Variants in EHD2 observed in about 807,000 individuals in gnomAD.
EHD2 encodes the protein EH domain-containing protein 2.
In EHD2, 27 loss-of-function variants were observed where a neutral mutation model predicts 41.0. The ratio of observed to expected loss-of-function variants is 0.66; its 90% confidence interval spans 0.49 to 0.91. EHD2 has a LOEUF of 0.91. EHD2 is among the 40% of genes least tolerant of loss of function. The probability of loss-of-function intolerance (pLI) is 0.00; values close to 1 mark genes in which losing one functional copy is unlikely to be tolerated. For missense variants in EHD2, 673 were observed against 773.9 expected (o/e 0.87, Z 1.55); for synonymous variants, 342 against 341.0 (o/e 1.00, Z -0.03).
At chr19:47,717,955 C>A (rs1266546416) in intron 2 of EHD2, among the ~76,000 whole-genome samples, 2 of 148,602 alleles carry the variant, frequency 1.3e-5, no homozygotes, top group Non-Finnish European at 3.0e-5. Flanking sequence ...GGTCTCTATG[C>A]CATGGTTGCT....
In EHD2 at chr19:47,717,032, G is replaced by T; in HGVS notation, c.404+16G>T. ...TCCTCAACAGGTGTGCCAGCCGCGAGCCCAGGGCGCATCTTTCTTTTTCTT... is the reference window on the plus strand; with the variant it reads ...TCCTCAACAGGTGTGCCAGCCGCGATCCCAGGGCGCATCTTTCTTTTTCTT... On this transcript the variant is annotated intron_variant, in intron 2 of 5. Transcript: ENST00000263277. 1 of 1,598,772 alleles carries T rather than the reference G, an allele frequency of 6.3e-7. No individual in the cohort carries two copies. Among genetic ancestry groups the T allele is most frequent in the Non-Finnish European group, 8.5e-7 (1 of 1,179,860 alleles).
intron 2 of EHD2, 27 bp from the exon 3 acceptor site, chr19:47,718,482 G>A: frequency 1.3e-6 from 2 of 1,548,772 alleles, no homozygotes; most frequent in Non-Finnish European, 1.8e-6. Context: ...CTTCCCTGTT[G>A]ACCCCTGACC....
Position 47,716,840 on chromosome 19 carries a change from G to A in EHD2, c.228G>A (p.Gln76=). The A allele has an allele frequency of 1.9e-6, 3 of 1,610,074 alleles. No individual in the cohort carries two copies. Among genetic ancestry groups the A allele is most frequent in the Admixed American group, 1.7e-5 (1 of 59,720 alleles). The change falls in exon 2 of 6, where the codon CAG becomes CAA. Residue 76 remains glutamine, a synonymous_variant. Coordinates refer to ENST00000263277, the MANE Select transcript of EHD2 (RefSeq NM_014601.4). ...QYSTGKTSFI[Q]YLLEQEVPGS... The stretch of plus-strand genomic sequence containing the variant: ...GCACGGGCAAGACCAGCTTCATCCA[G>A]TACCTGCTGGAGCAGGAGGTGCCCG...
chr19:47,737,125 G>GGA (rs1455070038), intron 5 of EHD2, among the ~76,000 whole-genome samples: 2 of 151,908 alleles, frequency 1.3e-5, no homozygotes, highest in African/African-American at 4.8e-5. Flanking sequence ...CAGCTACTCG[G>GGA]GAGGCTGAGG....
intron 4 of EHD2, 150 bp from the exon 5 acceptor site, chr19:47,736,219 G>A: frequency 1.5e-6 from 1 of 679,432 alleles, no homozygotes; most frequent in Non-Finnish European, 2.3e-6. Flanking sequence ...GAGAGAGAGA[G>A]AGAGAAAAAG....
chr19:47,727,882 G>A (rs1973768397), intron 4 of EHD2, among the ~76,000 whole-genome samples: 1 of 151,980 alleles, frequency 6.6e-6, no homozygotes. Context: ...GATCACTTGA[G>A]GTCAGGAGTT....
intron 1 of EHD2, among the ~76,000 whole-genome samples, chr19:47,713,858 C>T (rs1973599171): frequency 6.6e-6 from 1 of 151,910 alleles, no homozygotes; most frequent in Admixed American, 6.6e-5. Flanking sequence ...TCCACGCCCT[C>T]ATCCATATCA....
intron 5 of EHD2, among the ~76,000 whole-genome samples, chr19:47,738,252 G>A (rs1323972137): frequency 6.6e-6 from 1 of 152,068 alleles, no homozygotes; most frequent in East Asian, 1.9e-4. Context: ...ATTCTGCACT[G>A]TCCAGTATGG....
chr19:47,721,753 G>C (rs1451325990), intron 3 of EHD2, among the ~76,000 whole-genome samples: 1 of 152,040 alleles, frequency 6.6e-6, no homozygotes, highest in East Asian at 1.9e-4. Flanking sequence ...GAGAGGCCAA[G>C]GTGGGCAGAT....
chr19:47,741,033 G>C lies in EHD2; in HGVS notation c.1233G>C (p.Gly411=). 1 of 1,609,982 alleles carries C rather than the reference G, an allele frequency of 6.2e-7. No individual in the cohort carries two copies. Among genetic ancestry groups the C allele is most frequent in the Non-Finnish European group, 8.5e-7 (1 of 1,179,692 alleles). The change falls in exon 6 of 6, where the codon GGG becomes GGC. Residue 411 remains glycine, a synonymous_variant. Coordinates refer to ENST00000263277, the MANE Select transcript of EHD2 (RefSeq NM_014601.4). This position sits in a 1 kb window ranked among gnomAD's most constrained non-coding sequence, Gnocchi z 4.5. Reference sequence around the variant, plus strand: ...AGAGCACCGAGGTGGGCGTGCAGGGGGGCGCTTTTGAGGGCACCCACATGG... The same window carrying C: ...AGAGCACCGAGGTGGGCGTGCAGGGCGGCGCTTTTGAGGGCACCCACATGG... ...ELESTEVGVQ[G]GAFEGTHMGP... is the part of the protein sequence containing the mutation.
In EHD2 at chr19:47,737,941, C is replaced by T. The variant is rs557615145; in HGVS notation, c.1080+1408C>T. Among the ~76,000 whole-genome samples the T allele has an allele frequency of 3.6e-5, 5 of 140,562 alleles. No individual in the cohort carries two copies. The East Asian group carries it at 6.4e-4, about 18-fold the overall frequency. 92.2% of individuals were successfully genotyped at this position (140,562 alleles called of 152,430 possible). On this transcript the variant is annotated intron_variant, in intron 5 of 5. Coordinates refer to ENST00000263277, the MANE Select transcript of EHD2 (RefSeq NM_014601.4). ...TGTCACCCAGACCGAACTGCAGAGG[C>T]GTGATCTTGGCTCACTGCAACCTCT...
Position 47,741,791 on chromosome 19 carries a change from G to A in EHD2, c.*359G>A. ...GGGCATTACCATAGAGAACAAAATAGACAAATACATCTGCCCTCATGGAAG... is the reference window on the plus strand; with the variant it reads ...GGGCATTACCATAGAGAACAAAATAAACAAATACATCTGCCCTCATGGAAG... On this transcript the variant is annotated 3_prime_UTR_variant, in exon 6 of 6. Coordinates refer to ENST00000263277, the MANE Select transcript of EHD2 (RefSeq NM_014601.4). The surrounding 1 kb of genome is among the most constrained non-coding windows in gnomAD (Gnocchi z 4.5). 1 of 516,070 alleles carries A rather than the reference G, an allele frequency of 1.9e-6. No individual in the cohort carries two copies. Among genetic ancestry groups the A allele is most frequent in the East Asian group, 5.0e-5 (1 of 19,866 alleles). The allele number at this position is 516,070 out of a possible 1,614,324, so 32.0% of individuals were successfully genotyped here.
At chr19:47,720,431 A>G (rs1271191955) in intron 3 of EHD2, among the ~76,000 whole-genome samples, 1 of 152,062 alleles carries the variant, frequency 6.6e-6, no homozygotes, top group Non-Finnish European at 1.5e-5. Context: ...TTGGCCTCCC[A>G]AAGTGCTGGG....
chr19:47,724,140 G>A (rs1973726020), intron 3 of EHD2, among the ~76,000 whole-genome samples: 1 of 146,564 alleles, frequency 6.8e-6, no homozygotes, highest in Admixed American at 6.9e-5. Context: ...GTGCAGTGAT[G>A]CTATCTCGGC....
intron 5 of EHD2, among the ~76,000 whole-genome samples, chr19:47,740,517 G>A (rs1281297158): frequency 1.3e-5 from 2 of 152,108 alleles, no homozygotes; most frequent in Non-Finnish European, 2.9e-5. Flanking sequence ...GGAGGCTGAG[G>A]CGGGCGAATC....
At chr19:47,726,839 C>T (rs922265349) in intron 4 of EHD2, among the ~76,000 whole-genome samples, 1 of 152,094 alleles carries the variant, frequency 6.6e-6, no homozygotes, top group Non-Finnish European at 1.5e-5. Flanking sequence ...TCACCACGCC[C>T]AGCTAATTTT....
intron 4 of EHD2, among the ~76,000 whole-genome samples, chr19:47,727,752 G>A (rs73051728): frequency 0.013 from 1,992 of 150,972 alleles, 24 homozygotes; most frequent in South Asian, 0.024. Context: ...GACCAGCCCC[G>A]GGGCTTATCT....
At chr19:47,717,659 C>G (rs181126276) in intron 2 of EHD2, among the ~76,000 whole-genome samples, 1 of 152,084 alleles carries the variant, frequency 6.6e-6, no homozygotes, top group Non-Finnish European at 1.5e-5. Context: ...GTAATCCCAG[C>G]GCTTTGGGAG....
intron 3 of EHD2, among the ~76,000 whole-genome samples, chr19:47,724,249 T>C (rs1176178265): frequency 6.6e-6 from 1 of 151,620 alleles, no homozygotes; most frequent in Non-Finnish European, 1.5e-5. Flanking sequence ...CGGGCTAATT[T>C]TTTTGTATTT....
Sources: gnomAD v4.1 joint callset for allele counts (sites outside exome capture counted in the v4.1 genomes callset) on GRCh38, gnomAD v4.1.1 for gene constraint, Gnocchi (gnomAD v3.1) non-coding constraint, MANE v1.5 for transcripts, NCBI Gene and HGNC (gene_info 2026-07-23, HGNC 2026-07-21) for gene names.